SHISA6: variants seen among roughly 807,000 people sequenced by gnomAD.
SHISA6 encodes the protein protein shisa-6.
Under a neutral mutation model 47.9 loss-of-function variants are expected in SHISA6, and 22 were observed. That is an observed-to-expected ratio of 0.46 (90% CI 0.33 to 0.66). The LOEUF is 0.66. Ranked by LOEUF, SHISA6 falls within the 30% of genes least tolerant of loss-of-function variation. SHISA6 has a pLI of 0.02. For missense variants in SHISA6, 680 were observed against 764.6 expected (o/e 0.89, Z 1.30); for synonymous variants, 388 against 337.8 (o/e 1.15, Z -1.63).
chr17:11,366,295 A>G (rs559515691), intron 2 of SHISA6, among the ~76,000 whole-genome samples: 2 of 152,158 alleles, frequency 1.3e-5, no homozygotes, highest in Non-Finnish European at 2.9e-5. Flanking sequence ...CTACAGGCAC[A>G]TGCCACCATG....
At chr17:11,303,240 TG>T (rs1909987927) in intron 2 of SHISA6, among the ~76,000 whole-genome samples, 7 of 151,894 alleles carry the variant, frequency 4.6e-5, no homozygotes, top group Admixed American at 1.3e-4. Flanking sequence ...AGTGTGATTG[TG>T]AGTGTGGTTG....
chr17:11,420,763 G>A (rs1218173273), intron 3 of SHISA6, among the ~76,000 whole-genome samples: 2 of 152,182 alleles, frequency 1.3e-5, no homozygotes, highest in Non-Finnish European at 2.9e-5. Context: ...TTGCCTTATA[G>A]CGACATTGGC....
chr17:11,422,126 G>A (rs1467095955), intron 3 of SHISA6, among the ~76,000 whole-genome samples: 1 of 152,200 alleles, frequency 6.6e-6, no homozygotes, highest in Non-Finnish European at 1.5e-5. Flanking sequence ...TCCCAGGATA[G>A]TAAGGCTAGC....
intron 1 of SHISA6, among the ~76,000 whole-genome samples, 166 bp downstream of exon 1, chr17:11,242,226 C>G (rs910573395): frequency 1.2e-4 from 19 of 152,332 alleles, no homozygotes; most frequent in African/African-American, 4.6e-4. Context: ...TCTTGTGCCC[C>G]CTCCTCCATT....
rs1475556522 is a variant in SHISA6 at position 11,484,761 on chromosome 17, G to A, written c.896-67135G>A. ...TTTCTAGGAAACTATCATCAAAATT[G>A]TATATTATCAAAATCAACATTATAA... On this transcript the variant is annotated intron_variant, in intron 3 of 5. Transcript: ENST00000441885. Among the ~76,000 whole-genome samples the A allele has an allele frequency of 2.0e-5, 3 of 152,070 alleles. No individual in the cohort carries two copies. The East Asian group carries it at 5.8e-4, about 29-fold the overall frequency.
At chr17:11,412,149 A>C (rs1914140359) in intron 3 of SHISA6, among the ~76,000 whole-genome samples, 1 of 152,184 alleles carries the variant, frequency 6.6e-6, no homozygotes, top group African/African-American at 2.4e-5. Context: ...TTTCCACTTT[A>C]CTGGCTTTGA....
chr17:11,366,160 A>G (rs545355235), intron 2 of SHISA6, among the ~76,000 whole-genome samples: 5 of 152,290 alleles, frequency 3.3e-5, no homozygotes, highest in African/African-American at 9.6e-5. Flanking sequence ...ATATATGTAT[A>G]TTTTTGAGAC....
At position 11,458,648 on chromosome 17, in the gene SHISA6, G is replaced by A. The variant is rs1377092044; in HGVS notation, c.895+79139G>A. ...AGGCTGAGCCAGGCCCCCTTATTCA[G>A]TGCACAAACCCACTTTTCTATCTTC... On this transcript the variant is annotated intron_variant, in intron 3 of 5. Transcript: ENST00000441885. Among the ~76,000 whole-genome samples, 3 of 152,222 alleles carry A rather than the reference G, an allele frequency of 2.0e-5. No individual in the cohort carries two copies. The East Asian group carries it at 5.8e-4, about 30-fold the overall frequency.
chr17:11,286,503 C>G (rs904923654), intron 2 of SHISA6, among the ~76,000 whole-genome samples: 2 of 152,124 alleles, frequency 1.3e-5, no homozygotes, highest in African/African-American at 4.8e-5. Context: ...GCTTGTACCT[C>G]TCGGTTGCAC....
intron 3 of SHISA6, among the ~76,000 whole-genome samples, chr17:11,473,674 T>A (rs16944813): frequency 0.013 from 2,010 of 152,298 alleles, 44 homozygotes; most frequent in African/African-American, 0.046. Context: ...TTTGGTGTTA[T>A]GGAAAAAACA....
In SHISA6 at chr17:11,277,280, T is replaced by TCTCACA. The variant is rs1386997909; in HGVS notation, c.799+13755_799+13756insTCACAC. ...CTCTCTCTCTCTCTCTCTCTCTCTC[T>TCTCACA]CACACACACACACACACACACACAC... On this transcript the variant is annotated intron_variant, in intron 2 of 5. Coordinates refer to ENST00000441885, the MANE Select transcript of SHISA6 (RefSeq NM_207386.4). Among the ~76,000 whole-genome samples, 394 of 53,852 alleles carry TCTCACA rather than the reference T, an allele frequency of 7.3e-3. 1 individual carries two copies. The highest frequency in any genetic ancestry group is 0.015 in the Middle Eastern group (1 of 68). 35.3% of individuals were successfully genotyped at this position (53,852 alleles called of 152,430 possible). A position where few individuals can be genotyped will look rare whatever the true frequency, so the allele number is the denominator to read the frequency against.
intron 3 of SHISA6, among the ~76,000 whole-genome samples, chr17:11,516,934 T>C (rs1025991929): frequency 6.6e-6 from 1 of 152,176 alleles, no homozygotes; most frequent in Non-Finnish European, 1.5e-5. Flanking sequence ...CTGGTACAAG[T>C]ATTGTGCGCA....
chr17:11,244,715 A>G (rs1597417954), intron 1 of SHISA6, among the ~76,000 whole-genome samples: 1 of 152,226 alleles, frequency 6.6e-6, no homozygotes, highest in African/African-American at 2.4e-5. Flanking sequence ...TACACTCTCG[A>G]GAGGTCAAGA....
At chr17:11,331,743 A>G (rs989242170) in intron 2 of SHISA6, among the ~76,000 whole-genome samples, 1 of 150,006 alleles carries the variant, frequency 6.7e-6, no homozygotes, top group Admixed American at 6.6e-5. Flanking sequence ...GGCTCTCTCA[A>G]ACACACACAC....
At chr17:11,505,375 C>CA (rs2071490548) in intron 3 of SHISA6, among the ~76,000 whole-genome samples, 1 of 152,172 alleles carries the variant, frequency 6.6e-6, no homozygotes, top group Non-Finnish European at 1.5e-5. Context: ...TGTCTGTTAA[C>CA]CTTGTAGGGA....
intron 2 of SHISA6, among the ~76,000 whole-genome samples, chr17:11,372,204 G>A (rs1374129187): frequency 1.3e-5 from 2 of 152,068 alleles, no homozygotes; most frequent in Non-Finnish European, 2.9e-5. Flanking sequence ...TTCCTCACTG[G>A]CAGAAACTAT....
chr17:11,241,539 C>T lies in SHISA6; in HGVS notation c.117C>T (p.Gly39=). The change falls in exon 1 of 6, where the codon GGC becomes GGT. Residue 39 remains glycine (G), a synonymous_variant. Transcript: ENST00000441885. The surrounding 1 kb of genome is among the most constrained non-coding windows in gnomAD (Gnocchi z 5.5). The stretch of plus-strand genomic sequence containing the variant: ...CCAACCGGACCCTGAGTGCAGGCGG[C>T]GCTGCCGTCGGGGGCCGGAGGGCCG... The part of the protein sequence containing the change: ...RAANRTLSAG[G]AAVGGRRAGG... 1 of 1,089,938 alleles carries T rather than the reference C, an allele frequency of 9.2e-7. No homozygotes were observed. The highest frequency in any genetic ancestry group is 1.1e-6 in the Non-Finnish European group (1 of 899,706). 67.5% of individuals were successfully genotyped at this position (1,089,938 alleles called of 1,614,324 possible).
rs144418148 is a variant in SHISA6 at position 11,500,194 on chromosome 17, A to G, written c.896-51702A>G. On this transcript the variant is annotated intron_variant, in intron 3 of 5. Transcript: ENST00000441885. ...ATGCACTCCTTCCCTGCTGCTCTCC[A>G]TCCTCAGTCTCCTCACAGATTGCAT... is the stretch of plus-strand genomic sequence containing the variant. 2.6e-5 allele frequency among the ~76,000 whole-genome samples: 4 copies of G among 152,206 alleles called. No homozygotes were observed. In the East Asian group the frequency reaches 7.7e-4, roughly 29 times the overall value.
At chr17:11,296,912 T>C (rs1909771701) in intron 2 of SHISA6, among the ~76,000 whole-genome samples, 1 of 152,052 alleles carries the variant, frequency 6.6e-6, no homozygotes, top group Admixed American at 6.6e-5. Context: ...TGTAAAGCCA[T>C]GGAGGGGCTA....
Sources: allele counts gnomAD v4.1 joint callset (sites outside exome capture counted in the v4.1 genomes callset), GRCh38; gene constraint gnomAD v4.1.1; non-coding constraint Gnocchi (gnomAD v3.1); transcripts MANE v1.5; gene names NCBI Gene and HGNC (gene_info 2026-07-23, HGNC 2026-07-21).